ZNF407: variants seen among roughly 807,000 people sequenced by gnomAD.
The protein encoded by ZNF407 is zinc finger protein 407.
A neutral mutation model predicts 131.2 loss-of-function variants in ZNF407; 17 were observed. The ratio of observed to expected loss-of-function variants is 0.13; its 90% CI spans 0.09 to 0.19. The LOEUF is 0.19. Among genes scored for constraint, ZNF407 ranks in the 10% least tolerant of loss-of-function variants. The probability of loss-of-function intolerance (pLI) is 1.00; values close to 1 mark genes in which losing one functional copy is unlikely to be tolerated. For synonymous variants in ZNF407, 1,156 were observed against 1,062.0 expected (o/e 1.09, Z -1.72); for missense variants, 2,681 against 2,830.6 (o/e 0.95, Z 1.20).
At chr18:74,606,042 A>G (rs1982790906) in intron 1 of ZNF407, among the ~76,000 whole-genome samples, 3 of 152,210 alleles carry the variant, frequency 2.0e-5, no homozygotes, top group South Asian at 4.1e-4. Flanking sequence ...TTCACGCCAA[A>G]GCGCCCTAAC....
At chr18:75,011,624 CAGTATTTAATAAATTTTTGTTGAACAAA>C (rs1168704738) in intron 8 of ZNF407, among the ~76,000 whole-genome samples, 2 of 151,974 alleles carry the variant, frequency 1.3e-5, no homozygotes, top group Non-Finnish European at 2.9e-5. Flanking sequence ...AAACACTTGT[CAGTATTTAATAAATTTTTGTTGAACAAA>C]AGAATGAATA....
At chr18:74,975,228 G>A (rs1004943627) in intron 8 of ZNF407, among the ~76,000 whole-genome samples, 5 of 152,220 alleles carry the variant, frequency 3.3e-5, no homozygotes, top group Non-Finnish European at 7.3e-5. Flanking sequence ...ACCCACGTGA[G>A]TCTGATTATA....
chr18:74,991,717 C>G (rs576227530), intron 8 of ZNF407, among the ~76,000 whole-genome samples: 42 of 152,298 alleles, frequency 2.8e-4, no homozygotes, highest in Non-Finnish European at 5.6e-4. Context: ...TCTGAGCCCA[C>G]TGATTCTTCA....
chr18:74,987,967 A>T (rs1972672858), intron 8 of ZNF407, among the ~76,000 whole-genome samples: 1 of 152,200 alleles, frequency 6.6e-6, no homozygotes. Context: ...TGTGTGTGGG[A>T]ATGCAAAGAA....
intron 8 of ZNF407, among the ~76,000 whole-genome samples, chr18:75,027,214 C>T (rs560613088): frequency 8.5e-5 from 13 of 152,216 alleles, no homozygotes; most frequent in South Asian, 4.2e-4. Flanking sequence ...GTGAGCTGTG[C>T]GGCACATTCA....
At chr18:75,022,468 G>C (rs1371324131) in intron 8 of ZNF407, among the ~76,000 whole-genome samples, 1 of 152,106 alleles carries the variant, frequency 6.6e-6, no homozygotes, top group African/African-American at 2.4e-5. Context: ...TTAAATTCTG[G>C]ATATTGTTTC....
intron 8 of ZNF407, among the ~76,000 whole-genome samples, chr18:75,013,768 C>T (rs758635842): frequency 3.3e-5 from 5 of 151,998 alleles, no homozygotes; most frequent in Non-Finnish European, 7.4e-5. Context: ...TTCTGAAGGG[C>T]ATACAATTTC....
At chr18:74,844,510 C>A (rs1970676394) in intron 4 of ZNF407, among the ~76,000 whole-genome samples, 1 of 151,992 alleles carries the variant, frequency 6.6e-6, no homozygotes, top group Admixed American at 6.6e-5. Flanking sequence ...TATTATTGAT[C>A]TAATAATGGC....
intron 8 of ZNF407, among the ~76,000 whole-genome samples, chr18:75,060,995 G>C (rs1163248253): frequency 6.6e-6 from 1 of 152,190 alleles, no homozygotes; most frequent in Non-Finnish European, 1.5e-5. Context: ...AATTTCTGCT[G>C]ATCCTGCCTG....
chr18:74,986,464 A>G lies in ZNF407; in HGVS notation c.5428+65772A>G, dbSNP rs140053925. Among the ~76,000 whole-genome samples the G allele has an allele frequency of 4.2e-3, 637 of 152,330 alleles. 3 individuals are homozygous for G. Among genetic ancestry groups the G allele is most frequent in the Middle Eastern group, 0.024 (7 of 294 alleles). On this transcript the variant is annotated intron_variant, in intron 8 of 8. Transcript: ENST00000299687. ...TAGCTAATACTGTTTCTCGGACCAC[A>G]TGAGTTTACAAATTACTAGTGTATT... is the stretch of plus-strand genomic sequence containing the variant.
intron 8 of ZNF407, among the ~76,000 whole-genome samples, chr18:74,973,140 G>A (rs202110452): frequency 4.1e-5 from 5 of 121,330 alleles, no homozygotes; most frequent in African/African-American, 7.6e-5. Flanking sequence ...ATATATATAT[G>A]TGTGTGTGTG....
intron 3 of ZNF407, among the ~76,000 whole-genome samples, chr18:74,655,078 A>G (rs959515965): frequency 4.6e-5 from 7 of 151,918 alleles, no homozygotes; most frequent in African/African-American, 9.7e-5. Flanking sequence ...CAAATAATTT[A>G]CTCTTAAAAT....
rs146592574 is a variant in ZNF407 at position 74,813,358 on chromosome 18, G to A, written c.4877+31856G>A. Among the ~76,000 whole-genome samples, 217 of 152,216 alleles carry A rather than the reference G, an allele frequency of 1.4e-3. 2 individuals are homozygous for A. Among genetic ancestry groups the A allele is most frequent in the African/African-American group, 4.9e-3 (205 of 41,512 alleles). ...TGAGTGCTTCAGGCTCACACTCTGC[G>A]CAGCTTCAGATCCATGGAGGTGAGG... On this transcript the variant is annotated intron_variant, in intron 4 of 8. Transcript: ENST00000299687.
chr18:74,667,669 A>G (rs1046237620), intron 3 of ZNF407, among the ~76,000 whole-genome samples: 4 of 152,208 alleles, frequency 2.6e-5, no homozygotes, highest in Non-Finnish European at 4.4e-5. Flanking sequence ...TTCTACTCCA[A>G]TTGTAAAGCC....
chr18:74,945,211 T>G (rs1972141819), intron 8 of ZNF407, among the ~76,000 whole-genome samples: 1 of 152,140 alleles, frequency 6.6e-6, no homozygotes, highest in Non-Finnish European at 1.5e-5. Context: ...CACCTGCATT[T>G]GAGATTTTTA....
At chr18:74,700,852 A>C (rs1002081290) in intron 3 of ZNF407, among the ~76,000 whole-genome samples, 1 of 152,170 alleles carries the variant, frequency 6.6e-6, no homozygotes. Context: ...TCTGTCAAAC[A>C]TTGGAGCGTA....
chr18:74,932,038 G>A (rs1219333331), intron 8 of ZNF407, among the ~76,000 whole-genome samples: 2 of 152,162 alleles, frequency 1.3e-5, no homozygotes, highest in East Asian at 3.9e-4. Context: ...GTATTCATAA[G>A]GTCCAGTTTA....
intron 3 of ZNF407, among the ~76,000 whole-genome samples, chr18:74,770,076 G>GA (rs1188819475): frequency 6.6e-6 from 1 of 152,136 alleles, no homozygotes; most frequent in Non-Finnish European, 1.5e-5. Context: ...TGTGGTGAGG[G>GA]TTAGGTAAGT....
At chr18:74,861,938 A>G (rs1360719725) in intron 4 of ZNF407, among the ~76,000 whole-genome samples, 1 of 152,216 alleles carries the variant, frequency 6.6e-6, no homozygotes, top group Non-Finnish European at 1.5e-5. Context: ...CAAGTCACAT[A>G]GAGTTACAGA....
Sources: gnomAD v4.1 joint callset for allele counts (sites outside exome capture counted in the v4.1 genomes callset) on GRCh38, gnomAD v4.1.1 for gene constraint, MANE v1.5 for transcripts, NCBI Gene and HGNC (gene_info 2026-07-23, HGNC 2026-07-21) for gene names.